A3GALT2: variants seen among roughly 807,000 people sequenced by gnomAD.
The protein encoded by A3GALT2 is alpha-1,3-galactosyltransferase 2.
A neutral mutation model predicts 16.6 loss-of-function variants in A3GALT2; 14 were observed. The ratio of observed to expected loss-of-function variants is 0.84; its 90% CI spans 0.56 to 1.32. A3GALT2 has a LOEUF of 1.32. A3GALT2 is among the 40% of genes most tolerant of loss of function. The probability of loss-of-function intolerance (pLI) is 0.00; values close to 1 mark genes in which losing one functional copy is unlikely to be tolerated. For synonymous variants in A3GALT2, 253 were observed against 218.0 expected (o/e 1.16, Z -1.42); for missense variants, 600 against 490.9 (o/e 1.22, Z -2.10).
rs762310845 is a variant in A3GALT2, at chr1:33,306,918, C to T, written c.871G>A (p.Glu291Lys). The change falls in exon 5 of 5, where the codon GAG (glutamate) becomes AAG (lysine). Residue 291 changes from glutamate (E) to lysine (K), a missense_variant. Transcript: ENST00000442999. Reference protein sequence around the residue: ...ARGLEARWHDESHLNKFFWLH... With the variant: ...ARGLEARWHDKSHLNKFFWLH... ...CAGAAGAACTTGTTGAGGTGGCTCT[C>T]GTCGTGCCAGCGCGCCTCCAGGCCG... The T allele has an allele frequency of 4.6e-6, 7 of 1,520,666 alleles. No individual in the cohort carries two copies. Among genetic ancestry groups the T allele is most frequent in the Non-Finnish European group, 6.1e-6 (7 of 1,140,290 alleles). The allele number at this position is 1,520,666 out of a possible 1,614,324, so 94.2% of individuals were successfully genotyped here.
At chr1:33,312,914 G>A in intron 1 of A3GALT2, 24 bp from the exon 2 acceptor site, 2 of 1,555,376 alleles carry the variant, frequency 1.3e-6, no homozygotes, top group Non-Finnish European at 1.8e-6. Flanking sequence ...GGGGGCATCA[G>A]TAACTCATTT....
chr1:33,308,769 T>A (rs1319337527), intron 4 of A3GALT2, among the ~76,000 whole-genome samples: 3 of 131,396 alleles, frequency 2.3e-5, no homozygotes, highest in Non-Finnish European at 4.6e-5. Context: ...TTTTTTTTTT[T>A]TTTTTTTTTT....
chr1:33,308,359 TGAGAA>T (rs1425593216), intron 4 of A3GALT2, among the ~76,000 whole-genome samples: 1 of 151,964 alleles, frequency 6.6e-6, no homozygotes, highest in Non-Finnish European at 1.5e-5. Flanking sequence ...TTTGAGAGCA[TGAGAA>T]GAGGAGCCCT....
chr1:33,313,279 T>G (rs1355445380), intron 1 of A3GALT2: 1 of 151,044 alleles, frequency 6.6e-6, no homozygotes, highest in Non-Finnish European at 1.4e-5. Flanking sequence ...ACTCCTGGGC[T>G]CAAGCTATCC....
intron 1 of A3GALT2, chr1:33,314,056 C>CT (rs11304832): frequency 0.056 from 4,675 of 83,370 alleles, 257 homozygotes; most frequent in Middle Eastern, 0.1. Context: ...CTTCCTTCCT[C>CT]TTTTTTTTTT....
chr1:33,312,487 T>C lies in A3GALT2; in HGVS notation c.197+14A>G, dbSNP rs1646238855. The C allele has an allele frequency of 3.2e-6, 5 of 1,572,636 alleles. No homozygotes were observed. The African/African-American group carries it at 4.1e-5, about 13-fold the overall frequency. ...GGGGGTGCCCTTGGAGTAGGAGGGA[T>C]GGGAGCTTCTTACCAGGGACGCAGG... On this transcript the variant is annotated intron_variant, in intron 3 of 4. Coordinates refer to ENST00000442999, the MANE Select transcript of A3GALT2 (RefSeq NM_001080438.1).
At chr1:33,312,385 G>T in intron 3 of A3GALT2, 116 bp downstream of exon 3, 1 of 1,302,202 alleles carries the variant, frequency 7.7e-7, no homozygotes, top group Non-Finnish European at 1.1e-6. Context: ...TGCTGGACTT[G>T]GTGGCAGAGT....
In A3GALT2 at chr1:33,307,397, G is replaced by T. The variant is rs1403175457; in HGVS notation, c.392C>A (p.Ala131Glu). 1 of 1,560,676 alleles carries T rather than the reference G, an allele frequency of 6.4e-7. No individual in the cohort carries two copies. Among genetic ancestry groups the T allele is most frequent in the Non-Finnish European group, 8.6e-7 (1 of 1,160,838 alleles). The stretch of plus-strand genomic sequence containing the variant: ...CACGTAGTACATCACGCTCTGGCCC[G>T]CCATGAAGTGCTGCTCCGCCGTCTC... ...FLETAEQHFM[A>E]GQSVMYYVFT... Residue 131 changes from alanine (A) to glutamate (E), a missense_variant, in exon 5 of 5, where the codon GCG becomes GAG. Ala to Glu is a moderately radical substitution (Grantham distance 107). Coordinates refer to ENST00000442999, the MANE Select transcript of A3GALT2 (RefSeq NM_001080438.1).
chr1:33,316,079 G>A (rs546589238), intron 1 of A3GALT2, among the ~76,000 whole-genome samples: 1 of 152,346 alleles, frequency 6.6e-6, no homozygotes, highest in Non-Finnish European at 1.5e-5. Flanking sequence ...AGATGAGGAG[G>A]TAGTTGGGGC....
intron 3 of A3GALT2, 59 bp downstream of exon 3, chr1:33,312,442 G>T: frequency 6.8e-7 from 1 of 1,477,890 alleles, no homozygotes; most frequent in Non-Finnish European, 9.2e-7. Context: ...AGGGACATGG[G>T]GCAGAGCTGT....
rs1019772786 is a variant in A3GALT2, at chr1:33,320,730, T to G, written c.23+346A>C. 6.6e-6 allele frequency among the ~76,000 whole-genome samples: 1 copy of G among 152,000 alleles called. No homozygotes were observed. Among genetic ancestry groups the G allele is most frequent in the Non-Finnish European group, 1.5e-5 (1 of 68,022 alleles). On this transcript the variant is annotated intron_variant, in intron 1 of 4. Transcript: ENST00000442999. This position sits in a 1 kb window ranked among gnomAD's most constrained non-coding sequence, Gnocchi z 4.3. ...CAGTCCCAGTGGGGATAGAGGGAGC[T>G]CTCAGTTACAGTCGGGGAGGGAATG...
At chr1:33,308,329 T>C (rs1247629957) in intron 4 of A3GALT2, among the ~76,000 whole-genome samples, 1 of 151,870 alleles carries the variant, frequency 6.6e-6, no homozygotes, top group Non-Finnish European at 1.5e-5. Context: ...GCAGTTGGTC[T>C]CCCAGCTGAG....
intron 1 of A3GALT2, among the ~76,000 whole-genome samples, chr1:33,315,071 A>T (rs1161757104): frequency 6.6e-6 from 1 of 151,952 alleles, no homozygotes; most frequent in East Asian, 1.9e-4. Flanking sequence ...ACGGAGCAAG[A>T]CCCTGCCTCT....
In A3GALT2 at chr1:33,307,334, A is replaced by C. The variant is rs1437180521; in HGVS notation, c.455T>G (p.Leu152Arg). Residue 152 changes from leucine (L) to arginine (R), a missense_variant, in exon 5 of 5, where the codon CTG becomes CGG. Coordinates refer to ENST00000442999, the MANE Select transcript of A3GALT2 (RefSeq NM_001080438.1). ...ELPGAVPRVALGPGRRLPVER... is the reference protein window; with the variant it reads ...ELPGAVPRVARGPGRRLPVER... ...CACGGGCAGCCGGCGTCCCGGGCCC[A>C]GCGCCACGCGGGGCACCGCTCCCGG... 1.3e-6 allele frequency: 2 copies of C among 1,530,338 alleles called. No homozygotes were observed. The highest frequency in any genetic ancestry group is 1.7e-6 in the Non-Finnish European group (2 of 1,147,032). The allele number at this position is 1,530,338 out of a possible 1,614,324, so 94.8% of individuals were successfully genotyped here. A position where few individuals can be genotyped will look rare whatever the true frequency, so the allele number is the denominator to read the frequency against.
intron 1 of A3GALT2, among the ~76,000 whole-genome samples, chr1:33,318,755 T>C (rs1449291245): frequency 6.6e-6 from 1 of 152,076 alleles, no homozygotes; most frequent in African/African-American, 2.4e-5. Flanking sequence ...TGACATCTCC[T>C]CCGTTAGGTC....
chr1:33,313,489 C>CA (rs1292489476), intron 1 of A3GALT2: 2 of 151,958 alleles, frequency 1.3e-5, no homozygotes, highest in African/African-American at 4.8e-5. Context: ...GGTCAGAGAC[C>CA]AGGTGTCTGT....
intron 1 of A3GALT2, 142 bp from the exon 2 acceptor site, chr1:33,313,032 TGCA>T: frequency 2.9e-6 from 2 of 697,174 alleles, no homozygotes; most frequent in Non-Finnish European, 5.1e-6. Context: ...CAGTTTCTTG[TGCA>T]GGGGCATGAC....
chr1:33,320,188 G>C lies in A3GALT2; in HGVS notation c.23+888C>G, dbSNP rs1646279198. On this transcript the variant is annotated intron_variant, in intron 1 of 4. Transcript: ENST00000442999. This position sits in a 1 kb window ranked among gnomAD's most constrained non-coding sequence, Gnocchi z 4.3. ...TGCAGCTGGGCTTCTCTGGTTCCTA[G>C]AAGCCTGGTCAAACCCCGTACTGGG... 6.6e-6 allele frequency among the ~76,000 whole-genome samples: 1 copy of C among 151,998 alleles called. No homozygotes were observed. The highest frequency in any genetic ancestry group is 1.5e-5 in the Non-Finnish European group (1 of 68,032).
intron 4 of A3GALT2, among the ~76,000 whole-genome samples, chr1:33,308,058 C>A (rs1646206818): frequency 3.2e-5 from 1 of 31,732 alleles, no homozygotes; most frequent in Non-Finnish European, 5.6e-5. Flanking sequence ...CTTACCCCCA[C>A]CCCACCAGTG....
Sources: allele counts gnomAD v4.1 joint callset (sites outside exome capture counted in the v4.1 genomes callset), GRCh38; gene constraint gnomAD v4.1.1; non-coding constraint Gnocchi (gnomAD v3.1); transcripts MANE v1.5; gene names NCBI Gene and HGNC (gene_info 2026-07-23, HGNC 2026-07-21).